The following PKHD1 variants were observed in gnomAD, a reference collection of about 807,000 sequenced individuals.
The protein encoded by PKHD1 is PKHD1 ciliary IPT domain containing fibrocystin/polyductin, also known as fibrocystin.
A neutral mutation model predicts 412.0 loss-of-function variants in PKHD1; 291 were observed. The observed-to-expected ratio is 0.71, with a 90% CI of 0.64 to 0.78. The LOEUF (loss-of-function observed/expected upper bound fraction) is 0.78, where lower values mean the gene tolerates loss of function less well. Ranked by LOEUF, PKHD1 falls within the 30% of genes least tolerant of loss-of-function variation. The pLI is 0.00. For missense variants in PKHD1, 4,825 were observed against 4,950.7 expected (o/e 0.97, Z 0.76); for synonymous variants, 1,777 against 1,821.5 (o/e 0.98, Z 0.62).
At position 52,043,740 on chromosome 6, in the gene PKHD1, G is replaced by A. The variant is rs1483818687; in HGVS notation, c.2716-10C>T. On this transcript the variant is annotated splice_polypyrimidine_tract_variant and intron_variant, in intron 25 of 66. Coordinates refer to ENST00000371117, the MANE Select transcript of PKHD1 (RefSeq NM_138694.4). ...TCACTCGCACAACCACCTGAAATGA[G>A]GCAAAATTTCTTTTCCATTTTATGC... 2 of 1,606,050 alleles carry A rather than the reference G, an allele frequency of 1.2e-6. No individual in the cohort carries two copies. Among genetic ancestry groups the A allele is most frequent in the Non-Finnish European group, 1.7e-6 (2 of 1,172,826 alleles).
chr6:51,953,024 C>G (rs1790581992), intron 36 of PKHD1, among the ~76,000 whole-genome samples: 1 of 152,088 alleles, frequency 6.6e-6, no homozygotes, highest in Non-Finnish European at 1.5e-5. Flanking sequence ...TACCCAAAAC[C>G]ATAAAAGAGT....
At chr6:51,733,823 A>C (rs1783519655) in intron 60 of PKHD1, among the ~76,000 whole-genome samples, 1 of 152,238 alleles carries the variant, frequency 6.6e-6, no homozygotes, top group Non-Finnish European at 1.5e-5. Flanking sequence ...ACTGGGTAGA[A>C]GTCATAGAAG....
rs185034662 is a variant in PKHD1 at position 51,850,918 on chromosome 6, A to G, written c.7912-2948T>C. Among the ~76,000 whole-genome samples the G allele has an allele frequency of 2.7e-4, 41 of 152,288 alleles. No homozygotes were observed. The East Asian group carries it at 7.7e-3, about 29-fold the overall frequency. On this transcript the variant is annotated intron_variant, in intron 49 of 66. Coordinates refer to ENST00000371117, the MANE Select transcript of PKHD1 (RefSeq NM_138694.4). ...TCTCTTGCCTGATTACCCGGCCAGA[A>G]CTTCCAATACTATGTTGAATAAGAC...
In PKHD1 at chr6:51,846,185, C is replaced by T. The variant is rs1318274458; in HGVS notation, c.8107+1590G>A. The stretch of plus-strand genomic sequence containing the variant: ...AGTGCAAATAAAATATACGACAATC[C>T]TTTTGGCAAAGACATAAAAAAAGAC... On this transcript the variant is annotated intron_variant, in intron 50 of 66. Coordinates refer to ENST00000371117, the MANE Select transcript of PKHD1 (RefSeq NM_138694.4). 2.0e-5 allele frequency among the ~76,000 whole-genome samples: 3 copies of T among 152,104 alleles called. No homozygotes were observed. In the East Asian group the frequency reaches 5.8e-4, roughly 29 times the overall value.
In PKHD1 at chr6:51,912,481, C is replaced by T. The variant is rs138384224; in HGVS notation, c.6217G>A (p.Gly2073Arg). The change falls in exon 38 of 67, where the codon GGG becomes AGG. Residue 2073 changes from glycine (G) to arginine (R), a missense_variant. Coordinates refer to ENST00000371117, the MANE Select transcript of PKHD1 (RefSeq NM_138694.4). ...ALEDAVDWNPGDEVVIISGTG... is the reference protein window; with the variant it reads ...ALEDAVDWNPRDEVVIISGTG... ...CCACTGATGATGACAACTTCATCCC[C>T]AGGGTTCCAGTCCACAGCATCTTCT... is the stretch of plus-strand genomic sequence containing the variant. The T allele has an allele frequency of 6.2e-7, 1 of 1,612,528 alleles. No homozygotes were observed. Among genetic ancestry groups the T allele is most frequent in the African/African-American group, 1.3e-5 (1 of 74,836 alleles).
Position 52,050,069 on chromosome 6 carries a change from C to G in PKHD1, c.2279+88G>C. 3.9e-6 allele frequency: 5 copies of G among 1,285,234 alleles called. 1 individual carries two copies. In the South Asian group the frequency reaches 6.0e-5, roughly 16 times the overall value. 79.6% of individuals were successfully genotyped at this position (1,285,234 alleles called of 1,614,324 possible). On this transcript the variant is annotated intron_variant, in intron 22 of 66. Coordinates refer to ENST00000371117, the MANE Select transcript of PKHD1 (RefSeq NM_138694.4). The stretch of plus-strand genomic sequence containing the variant: ...TTGCTTTAAGCAACAAGACAGGTAG[C>G]TTTTCCTGAAAAAAGTCACACCTGT...
chr6:51,882,204 C>T lies in PKHD1; in HGVS notation c.7350+889G>A, dbSNP rs572380529. 1.1e-4 allele frequency among the ~76,000 whole-genome samples: 17 copies of T among 152,136 alleles called. 1 individual carries two copies. The highest frequency in any genetic ancestry group is 5.8e-4 in the East Asian group (3 of 5,170). On this transcript the variant is annotated intron_variant, in intron 46 of 66. Transcript: ENST00000371117. ...GGGTACCATCCTCTCTTGAAAACTACACAGTCTGAAAGGAAGAATCATCTC... is the reference window on the plus strand; with the variant it reads ...GGGTACCATCCTCTCTTGAAAACTATACAGTCTGAAAGGAAGAATCATCTC...
intron 52 of PKHD1, among the ~76,000 whole-genome samples, chr6:51,826,662 AC>A (rs1482867189): frequency 6.6e-6 from 1 of 152,212 alleles, no homozygotes; most frequent in Non-Finnish European, 1.5e-5. Context: ...AGATACACTT[AC>A]TTGTTGAAGC....
chr6:52,032,967 T>C lies in PKHD1; in HGVS notation c.3364+63A>G. ...TACAATAAATTTCAGAGGACATTGA[T>C]TGCCCTTTTTATAGGACCAATGCTC... On this transcript the variant is annotated intron_variant, in intron 29 of 66. Coordinates refer to ENST00000371117, the MANE Select transcript of PKHD1 (RefSeq NM_138694.4). 5 of 1,403,002 alleles carry C rather than the reference T, an allele frequency of 3.6e-6. No individual in the cohort carries two copies. The South Asian group carries it at 5.8e-5, about 16-fold the overall frequency. 86.9% of individuals were successfully genotyped at this position (1,403,002 alleles called of 1,614,324 possible). A position where few individuals can be genotyped will look rare whatever the true frequency, so the allele number is the denominator to read the frequency against.
intron 60 of PKHD1, among the ~76,000 whole-genome samples, chr6:51,688,871 A>G (rs1027540910): frequency 2.0e-5 from 3 of 152,094 alleles, no homozygotes; most frequent in African/African-American, 7.2e-5. Flanking sequence ...CCTACTAACC[A>G]AAAAAAGCCC....
chr6:51,700,887 T>G (rs1234503514), intron 60 of PKHD1, among the ~76,000 whole-genome samples: 1 of 152,118 alleles, frequency 6.6e-6, no homozygotes, highest in Non-Finnish European at 1.5e-5. Flanking sequence ...CTGAACATAA[T>G]CAGTCCACCC....
Position 51,987,724 on chromosome 6 carries a change from T to C in PKHD1, c.5751+22585A>G, listed in dbSNP as rs1238006941. On this transcript the variant is annotated intron_variant, in intron 35 of 66. Transcript: ENST00000371117. ...CCTCTCACAGGAAAGAAGTTCTTTT[T>C]CTAAGACCTTTTTTTTTTTTTTCTG... Among the ~76,000 whole-genome samples the C allele has an allele frequency of 2.0e-5, 3 of 151,670 alleles. No homozygotes were observed. The East Asian group carries it at 5.8e-4, about 29-fold the overall frequency.
chr6:51,735,128 T>C (rs1307696864), intron 60 of PKHD1, among the ~76,000 whole-genome samples: 1 of 152,162 alleles, frequency 6.6e-6, no homozygotes. Flanking sequence ...AAAGTAAAAA[T>C]ATGTGAATGA....
At chr6:51,826,748 A>C (rs1562400030) in intron 52 of PKHD1, among the ~76,000 whole-genome samples, 2 of 152,174 alleles carry the variant, frequency 1.3e-5, no homozygotes. Context: ...AATACCACAG[A>C]GAAGAATTTA....
At chr6:51,670,359 A>G (rs1465157735) in intron 60 of PKHD1, among the ~76,000 whole-genome samples, 1 of 152,072 alleles carries the variant, frequency 6.6e-6, no homozygotes, top group Non-Finnish European at 1.5e-5. Context: ...ATCAGAGACT[A>G]GGACTGCAAC....
At chr6:51,843,273 G>C (rs938647834) in intron 50 of PKHD1, among the ~76,000 whole-genome samples, 7 of 152,208 alleles carry the variant, frequency 4.6e-5, no homozygotes, top group African/African-American at 1.7e-4. Flanking sequence ...TAAATAGAGA[G>C]TGGGGTGTCA....
rs533802739 is a variant in PKHD1 at position 51,890,028 on chromosome 6, G to A, written c.6997-2783C>T. Reference sequence around the variant, plus strand: ...TCCCTTAGAAGTATTTTTTTTTTAAGTAATGATGAGTAGAATAATAACACT... The same window carrying A: ...TCCCTTAGAAGTATTTTTTTTTTAAATAATGATGAGTAGAATAATAACACT... On this transcript the variant is annotated intron_variant, in intron 43 of 66. Transcript: ENST00000371117. Among the ~76,000 whole-genome samples, 227 of 151,492 alleles carry A rather than the reference G, an allele frequency of 1.5e-3. 1 individual carries two copies. Among genetic ancestry groups the A allele is most frequent in the African/African-American group, 5.3e-3 (219 of 41,256 alleles).
chr6:51,697,094 C>A (rs1205451990), intron 60 of PKHD1, among the ~76,000 whole-genome samples: 1 of 152,064 alleles, frequency 6.6e-6, no homozygotes, highest in Non-Finnish European at 1.5e-5. Context: ...GAGGCTGAGG[C>A]AGGAGAGTCG....
intron 48 of PKHD1, among the ~76,000 whole-genome samples, chr6:51,864,673 C>T (rs966775371): frequency 2.6e-5 from 4 of 152,020 alleles, no homozygotes; most frequent in African/African-American, 9.7e-5. Flanking sequence ...AGAGTAGCCA[C>T]ACTAAAAAGC....
Sources: allele counts gnomAD v4.1 joint callset (sites outside exome capture counted in the v4.1 genomes callset), GRCh38; gene constraint gnomAD v4.1.1; transcripts MANE v1.5; gene names NCBI Gene and HGNC (gene_info 2026-07-23, HGNC 2026-07-21).